AP1S3: variants seen among roughly 807,000 people sequenced by gnomAD.
AP1S3 encodes the protein AP-1 complex subunit sigma-3.
In AP1S3, 10 loss-of-function variants were observed where a neutral mutation model predicts 20.9. The observed-to-expected ratio is 0.48, with a 90% CI of 0.29 to 0.81. The LOEUF (loss-of-function observed/expected upper bound fraction) is 0.81, where lower values mean the gene tolerates loss of function less well. AP1S3 is among the 30% of genes least tolerant of loss of function. The pLI is 0.08. For missense variants in AP1S3, 154 were observed against 183.8 expected (o/e 0.84, Z 0.94); for synonymous variants, 41 against 61.5 (o/e 0.67, Z 1.56).
At chr2:223,823,724 AAG>A (rs1339657773) in intron 1 of AP1S3, among the ~76,000 whole-genome samples, 2 of 152,000 alleles carry the variant, frequency 1.3e-5, no homozygotes, top group Admixed American at 1.3e-4. Flanking sequence ...GAAAATTACT[AAG>A]AGTATATTTT....
chr2:223,777,482 T>C (rs1178600822), intron 2 of AP1S3, among the ~76,000 whole-genome samples: 2 of 152,226 alleles, frequency 1.3e-5, no homozygotes, highest in Non-Finnish European at 2.9e-5. Context: ...CAAGGTGTAG[T>C]TTATTTACCT....
intron 4 of AP1S3, 122 bp downstream of exon 4, chr2:223,765,091 A>T: frequency 7.3e-7 from 1 of 1,365,356 alleles, no homozygotes; most frequent in Non-Finnish European, 9.7e-7. Flanking sequence ...ACATATAAAT[A>T]GTTTAGAAAC....
intron 1 of AP1S3, among the ~76,000 whole-genome samples, chr2:223,826,277 C>T (rs973617961): frequency 2.6e-5 from 4 of 151,350 alleles, no homozygotes; most frequent in Non-Finnish European, 4.4e-5. Context: ...AATTTCAGTA[C>T]GACTCTGAAG....
chr2:223,781,978 CT>C (rs1220573333), intron 1 of AP1S3, among the ~76,000 whole-genome samples: 1 of 149,178 alleles, frequency 6.7e-6, no homozygotes, highest in African/African-American at 2.4e-5. Context: ...GGAAGAATAA[CT>C]AACTTCACTG....
At chr2:223,828,058 TAAAAAA>T (rs527671959) in intron 1 of AP1S3, among the ~76,000 whole-genome samples, 2 of 94,690 alleles carry the variant, frequency 2.1e-5, no homozygotes, top group African/African-American at 3.9e-5. Flanking sequence ...AGACTTCATC[TAAAAAA>T]AAAAAAAAAA....
chr2:223,758,611 T>A lies in AP1S3; in HGVS notation c.*104A>T. ...GTTAACAAAGAATCCCTTTAAATTA[T>A]TTTTGGCATGGTGCCTGAGGCTCCA... is the stretch of plus-strand genomic sequence containing the variant. On this transcript the variant is annotated 3_prime_UTR_variant, in exon 5 of 5. Coordinates refer to ENST00000396654, the MANE Select transcript of AP1S3 (RefSeq NM_001039569.2). The A allele has an allele frequency of 7.1e-7, 1 of 1,405,040 alleles. No individual in the cohort carries two copies. 87.0% of individuals were successfully genotyped at this position (1,405,040 alleles called of 1,614,324 possible).
chr2:223,832,084 A>G, intron 1 of AP1S3, among the ~76,000 whole-genome samples: 1 of 132,138 alleles, frequency 7.6e-6, no homozygotes, highest in Admixed American at 8.4e-5. Flanking sequence ...CTCAAAAAAA[A>G]AAAAATCAAA....
At chr2:223,772,978 C>G (rs1690669327) in intron 3 of AP1S3, among the ~76,000 whole-genome samples, 1 of 152,148 alleles carries the variant, frequency 6.6e-6, no homozygotes, top group Non-Finnish European at 1.5e-5. Flanking sequence ...ATGAAAGATT[C>G]ATTGAATTTT....
chr2:223,790,267 T>C (rs1450202923), intron 1 of AP1S3, among the ~76,000 whole-genome samples: 1 of 150,942 alleles, frequency 6.6e-6, no homozygotes, highest in Non-Finnish European at 1.5e-5. Flanking sequence ...AGTCTTGCTC[T>C]GTTGCCCAGG....
At chr2:223,811,108 C>G (rs372436213) in intron 1 of AP1S3, among the ~76,000 whole-genome samples, 1 of 136,120 alleles carries the variant, frequency 7.3e-6, no homozygotes, top group Non-Finnish European at 1.6e-5. Flanking sequence ...TTTTTTTTTT[C>G]TTGAGACAGA....
At chr2:223,818,068 T>C (rs967002086) in intron 1 of AP1S3, among the ~76,000 whole-genome samples, 47 of 151,806 alleles carry the variant, frequency 3.1e-4, no homozygotes, top group Non-Finnish European at 1.5e-5. Flanking sequence ...CCCAGAATTA[T>C]CAAAATATAG....
intron 3 of AP1S3, among the ~76,000 whole-genome samples, chr2:223,771,732 G>A (rs1196116445): frequency 6.6e-6 from 1 of 152,182 alleles, no homozygotes; most frequent in Non-Finnish European, 1.5e-5. Context: ...ATGCTCTAAA[G>A]TAAATACAAA....
chr2:223,770,981 C>G (rs574458169), intron 3 of AP1S3, among the ~76,000 whole-genome samples: 9 of 152,030 alleles, frequency 5.9e-5, no homozygotes, highest in Admixed American at 1.3e-4. Flanking sequence ...TGATCCCCCC[C>G]ACCTTGGCCT....
chr2:223,797,612 AT>A (rs1345725459), intron 1 of AP1S3, among the ~76,000 whole-genome samples: 4 of 152,000 alleles, frequency 2.6e-5, no homozygotes, highest in Non-Finnish European at 4.4e-5. Flanking sequence ...AAATACAAAA[AT>A]TAGCCGGCCA....
At position 223,760,004 on chromosome 2, in the gene AP1S3, A is replaced by G. The variant is rs540859328; in HGVS notation, c.430-1254T>C. ...AAGTTTGCTAACATGCCCCAAAGCC[A>G]TAATATTTTTTTTCAGCATTTAAAA... On this transcript the variant is annotated intron_variant, in intron 4 of 4. Transcript: ENST00000396654. Among the ~76,000 whole-genome samples the G allele has an allele frequency of 6.6e-5, 10 of 152,288 alleles. No homozygotes were observed. In the East Asian group the frequency reaches 1.9e-3, roughly 29 times the overall value.
Position 223,826,516 on chromosome 2 carries a change from C to A in AP1S3, c.3+10932G>T, listed in dbSNP as rs576219227. On this transcript the variant is annotated intron_variant, in intron 1 of 4. Coordinates refer to ENST00000396654, the MANE Select transcript of AP1S3 (RefSeq NM_001039569.2). ...GCTGAGGCATGAGAATCGCTTGAAC[C>A]CGGGAGGCAGGGGTCGCAGTGAGCA... Among the ~76,000 whole-genome samples, 22 of 152,212 alleles carry A rather than the reference C, an allele frequency of 1.4e-4. No homozygotes were observed. In the East Asian group the frequency reaches 4.1e-3, roughly 28 times the overall value.
chr2:223,765,129 T>C (rs922643338), intron 4 of AP1S3, 84 bp downstream of exon 4: 1 of 1,537,512 alleles, frequency 6.5e-7, no homozygotes, highest in Non-Finnish European at 8.7e-7. Context: ...AAGTACTCAG[T>C]AAGTCTGGTT....
At chr2:223,764,208 C>T (rs6719290) in intron 4 of AP1S3, among the ~76,000 whole-genome samples, 35 of 105,842 alleles carry the variant, frequency 3.3e-4, no homozygotes, top group Middle Eastern at 4.2e-3. Context: ...AGTGAGCCAC[C>T]GCATCCGGCC....
In AP1S3 at chr2:223,759,295, A is replaced by AG. The variant is rs1399717414; in HGVS notation, c.430-546_430-545insC. On this transcript the variant is annotated intron_variant, in intron 4 of 4. Transcript: ENST00000396654. ...CTCCGTCTCAAAAACAAAAAAAAAA[A>AG]AGAGAGAGAGAGAGAGATTGAAATG... Among the ~76,000 whole-genome samples, 977 of 150,226 alleles carry AG rather than the reference A, an allele frequency of 6.5e-3. 10 individuals carry two copies. The highest frequency in any genetic ancestry group is 0.019 in the African/African-American group (760 of 40,976).
Sources: allele counts gnomAD v4.1 joint callset (sites outside exome capture counted in the v4.1 genomes callset), GRCh38; gene constraint gnomAD v4.1.1; transcripts MANE v1.5; gene names NCBI Gene and HGNC (gene_info 2026-07-23, HGNC 2026-07-21).